Variants in TOX observed in about 807,000 individuals in gnomAD.
The protein encoded by TOX is thymocyte selection associated high mobility group box.
Under a neutral mutation model 53.7 loss-of-function variants are expected in TOX, and 11 were observed. That is an observed-to-expected ratio of 0.20 (90% CI 0.13 to 0.34). The LOEUF (loss-of-function observed/expected upper bound fraction) is 0.34, where lower values mean the gene tolerates loss of function less well. TOX is among the 10% of genes least tolerant of loss of function. TOX has a pLI of 1.00. For synonymous variants in TOX, 225 were observed against 245.3 expected, an observed-to-expected ratio of 0.92 and a Z score of 0.77; for missense variants, 570 against 664.6, an observed-to-expected ratio of 0.86 and a Z score of 1.56.
At chr8:58,993,619 A>G (rs961825943) in intron 1 of TOX, among the ~76,000 whole-genome samples, 1 of 152,236 alleles carries the variant, frequency 6.6e-6, no homozygotes, top group Non-Finnish European at 1.5e-5. Context: ...CCCAGAGGTA[A>G]GACCTGATGG....
chr8:58,875,464 T>A (rs1811267510), intron 3 of TOX, among the ~76,000 whole-genome samples: 1 of 152,158 alleles, frequency 6.6e-6, no homozygotes, highest in Admixed American at 6.6e-5. Context: ...TCAAAGATGA[T>A]TTTCTGAATT....
intron 1 of TOX, among the ~76,000 whole-genome samples, chr8:58,988,426 C>T (rs1349545394): frequency 1.3e-5 from 2 of 152,166 alleles, no homozygotes; most frequent in Admixed American, 1.3e-4. Flanking sequence ...ATATTTGCCA[C>T]ATCAACTATC....
At chr8:58,869,105 T>C (rs1811152720) in intron 3 of TOX, among the ~76,000 whole-genome samples, 1 of 151,708 alleles carries the variant, frequency 6.6e-6, no homozygotes, top group Non-Finnish European at 1.5e-5. Flanking sequence ...TGCGTGCCTG[T>C]AGTCCCAGCT....
intron 3 of TOX, among the ~76,000 whole-genome samples, chr8:58,935,852 T>A (rs1292486447): frequency 6.6e-6 from 1 of 152,218 alleles, no homozygotes; most frequent in Non-Finnish European, 1.5e-5. Context: ...AGAAACTAAT[T>A]CCTTCATGCT....
chr8:59,082,953 T>G (rs1804436344), intron 1 of TOX, among the ~76,000 whole-genome samples: 1 of 152,182 alleles, frequency 6.6e-6, no homozygotes, highest in African/African-American at 2.4e-5. Context: ...CGTTGTTTTT[T>G]GTTTGTTTGT....
intron 1 of TOX, among the ~76,000 whole-genome samples, chr8:59,069,956 CT>C (rs1157537136): frequency 1.3e-5 from 2 of 152,172 alleles, no homozygotes; most frequent in Non-Finnish European, 2.9e-5. Flanking sequence ...ACACGGTACC[CT>C]GACCTGTATA....
In TOX at chr8:59,119,021, T is replaced by A; in HGVS notation, c.-34A>T. 2 of 1,489,752 alleles carry A rather than the reference T, an allele frequency of 1.3e-6. No homozygotes were observed. The highest frequency in any genetic ancestry group is 2.3e-5 in the South Asian group (2 of 87,250). 92.3% of individuals were successfully genotyped at this position (1,489,752 alleles called of 1,614,324 possible). ...CACATCAAGCAACTCCTTTTCTTTT[T>A]CCTTTTTTAAAAAAAAGTGTTCAGC... On this transcript the variant is annotated 5_prime_UTR_variant, in exon 1 of 9. Coordinates refer to ENST00000361421, the MANE Select transcript of TOX (RefSeq NM_014729.3).
At chr8:58,960,050 C>A (rs776472703) in intron 1 of TOX, 42 bp from the exon 2 acceptor site, 5 of 1,601,036 alleles carry the variant, frequency 3.1e-6, no homozygotes, top group African/African-American at 1.3e-5. Flanking sequence ...ATCTTGACTG[C>A]GGGTATGTTT....
At chr8:58,953,864 T>G (rs1812666969) in intron 2 of TOX, among the ~76,000 whole-genome samples, 1 of 152,204 alleles carries the variant, frequency 6.6e-6, no homozygotes, top group South Asian at 2.1e-4. Context: ...AGATACCTTT[T>G]TTTTTTGAAA....
At chr8:58,932,743 C>A (rs944735975) in intron 3 of TOX, among the ~76,000 whole-genome samples, 11 of 152,032 alleles carry the variant, frequency 7.2e-5, no homozygotes, top group African/African-American at 2.7e-4. Flanking sequence ...CCTTGATGTG[C>A]GGCACTCCCT....
chr8:59,114,656 C>G (rs1325325919), intron 1 of TOX, among the ~76,000 whole-genome samples: 2 of 152,136 alleles, frequency 1.3e-5, no homozygotes, highest in African/African-American at 4.8e-5. Context: ...GCATGATGCT[C>G]TAAACTGCTT....
chr8:59,017,804 C>T (rs1814043570), intron 1 of TOX, among the ~76,000 whole-genome samples: 1 of 152,118 alleles, frequency 6.6e-6, no homozygotes, highest in Non-Finnish European at 1.5e-5. Context: ...CTCTTTCTCC[C>T]TGCATAACTG....
At chr8:58,905,482 G>A (rs982453574) in intron 3 of TOX, among the ~76,000 whole-genome samples, 3 of 152,154 alleles carry the variant, frequency 2.0e-5, no homozygotes, top group African/African-American at 7.2e-5. Flanking sequence ...TTTGGAAATG[G>A]AAAATACTTC....
chr8:59,035,524 C>T (rs547444293), intron 1 of TOX, among the ~76,000 whole-genome samples: 9 of 152,274 alleles, frequency 5.9e-5, no homozygotes, highest in East Asian at 5.8e-4. Flanking sequence ...ACAAGTGCAT[C>T]GACGCCCGAC....
intron 5 of TOX, 118 bp from the exon 6 acceptor site, chr8:58,827,020 A>T: frequency 3.9e-6 from 2 of 509,626 alleles, no homozygotes; most frequent in Non-Finnish European, 6.0e-6. Flanking sequence ...TAATATAATA[A>T]TATATATCTC....
chr8:59,058,328 T>C (rs1484078814), intron 1 of TOX, among the ~76,000 whole-genome samples: 1 of 152,130 alleles, frequency 6.6e-6, no homozygotes, highest in Non-Finnish European at 1.5e-5. Flanking sequence ...ACGTATATAT[T>C]TCAGGACTAT....
At chr8:59,050,659 A>G (rs1803773251) in intron 1 of TOX, among the ~76,000 whole-genome samples, 1 of 152,142 alleles carries the variant, frequency 6.6e-6, no homozygotes, top group African/African-American at 2.4e-5. Flanking sequence ...ACACCTAAAT[A>G]TGTTCTCAGG....
At chr8:58,933,903 G>A (rs1435249193) in intron 3 of TOX, among the ~76,000 whole-genome samples, 9 of 152,142 alleles carry the variant, frequency 5.9e-5, no homozygotes, top group Non-Finnish European at 1.3e-4. Flanking sequence ...GTCTTCTATA[G>A]ATCTACTCCA....
At chr8:58,954,174 T>C (rs1812673124) in intron 2 of TOX, among the ~76,000 whole-genome samples, 1 of 152,168 alleles carries the variant, frequency 6.6e-6, no homozygotes, top group South Asian at 2.1e-4. Context: ...CTTTGAGTCT[T>C]GTACTTGAAA....
Sources: allele counts gnomAD v4.1 joint callset (sites outside exome capture counted in the v4.1 genomes callset), GRCh38; gene constraint gnomAD v4.1.1; transcripts MANE v1.5; gene names NCBI Gene and HGNC (gene_info 2026-07-23, HGNC 2026-07-21).